Variants in SLC25A15 observed in about 807,000 individuals in gnomAD.
SLC25A15 encodes mitochondrial ornithine transporter 1.
A neutral mutation model predicts 32.3 loss-of-function variants in SLC25A15; 24 were observed. That is an observed-to-expected ratio of 0.74 (90% CI 0.54 to 1.04). SLC25A15 has a LOEUF of 1.04. Ranked by LOEUF, SLC25A15 falls within the 50% of genes least tolerant of loss-of-function variation. The probability of loss-of-function intolerance (pLI) is 0.00; values close to 1 mark genes in which losing one functional copy is unlikely to be tolerated. For synonymous variants in SLC25A15, 132 were observed against 142.1 expected, an observed-to-expected ratio of 0.93 and a Z score of 0.51; for missense variants, 317 against 374.5, an observed-to-expected ratio of 0.85 and a Z score of 1.27.
rs770009034 is a variant in SLC25A15 at position 40,793,251 on chromosome 13, G to A, written c.25G>A (p.Ala9Thr). The change falls in exon 2 of 7, where the codon GCT (alanine) becomes ACT (threonine). Residue 9 changes from alanine to threonine, a missense_variant. Coordinates refer to ENST00000338625, the MANE Select transcript of SLC25A15 (RefSeq NM_014252.4). ...CATGAAATCCAATCCTGCTATCCAGGCTGCCATTGACCTCACAGCGGGGGC... is the reference window on the plus strand; with the variant it reads ...CATGAAATCCAATCCTGCTATCCAGACTGCCATTGACCTCACAGCGGGGGC... MKSNPAIQ[A>T]AIDLTAGAAG... 3 of 1,613,956 alleles carry A rather than the reference G, an allele frequency of 1.9e-6. No individual in the cohort carries two copies. Among genetic ancestry groups the A allele is most frequent in the Non-Finnish European group, 2.5e-6 (3 of 1,179,990 alleles).
chr13:40,798,782 C>T (rs1881760035), intron 2 of SLC25A15: 1 of 985,290 alleles, frequency 1.0e-6, no homozygotes, highest in African/African-American at 1.7e-5. Context: ...ATTGCCCAGG[C>T]TCCTACATAT....
chr13:40,809,126 A>G (rs1410699144), intron 6 of SLC25A15, among the ~76,000 whole-genome samples: 4 of 152,070 alleles, frequency 2.6e-5, no homozygotes, highest in African/African-American at 9.7e-5. Flanking sequence ...ATCTAATTCA[A>G]TCTTCATAAC....
Position 40,811,952 on chromosome 13 carries a change from G to T in SLC25A15, c.*2285G>T, listed in dbSNP as rs1234824618. ...CAAACATCAGGGGACATCTGGGGAGGAGATCCCTGTCATGTCTCTTGTGCC... is the reference window on the plus strand; with the variant it reads ...CAAACATCAGGGGACATCTGGGGAGTAGATCCCTGTCATGTCTCTTGTGCC... On this transcript the variant is annotated 3_prime_UTR_variant, in exon 7 of 7. Transcript: ENST00000338625. 6.6e-6 allele frequency among the ~76,000 whole-genome samples: 1 copy of T among 152,198 alleles called. No homozygotes were observed. Among genetic ancestry groups the T allele is most frequent in the African/African-American group, 2.4e-5 (1 of 41,448 alleles).
chr13:40,807,767 C>T (rs944064475), intron 5 of SLC25A15, among the ~76,000 whole-genome samples: 1 of 152,150 alleles, frequency 6.6e-6, no homozygotes, highest in African/African-American at 2.4e-5. Context: ...AAATTACTTT[C>T]CCAATTGGGG....
rs1882400814 is a variant in SLC25A15, at chr13:40,810,463, A to C, written c.*796A>C. ...CTGGTGTGAGCCACCATGCCCAGCC[A>C]GTGGTTGAATTTTTTAAAAAGTGTT... On this transcript the variant is annotated 3_prime_UTR_variant, in exon 7 of 7. Coordinates refer to ENST00000338625, the MANE Select transcript of SLC25A15 (RefSeq NM_014252.4). Among the ~76,000 whole-genome samples the C allele has an allele frequency of 6.6e-6, 1 of 152,042 alleles. No individual in the cohort carries two copies. Among genetic ancestry groups the C allele is most frequent in the Admixed American group, 6.6e-5 (1 of 15,246 alleles).
intron 3 of SLC25A15, among the ~76,000 whole-genome samples, chr13:40,803,073 G>A (rs1593293084): frequency 6.6e-6 from 1 of 152,074 alleles, no homozygotes; most frequent in East Asian, 1.9e-4. Context: ...CCCAATGAAG[G>A]ATTGTCCTAC....
chr13:40,791,105 A>G (rs1338792246), intron 1 of SLC25A15, among the ~76,000 whole-genome samples: 3 of 151,732 alleles, frequency 2.0e-5, no homozygotes, highest in South Asian at 2.1e-4. Context: ...CCAAAAATAT[A>G]GGGTTGGGTG....
chr13:40,808,898 G>A (rs917137723), intron 6 of SLC25A15, among the ~76,000 whole-genome samples: 7 of 131,530 alleles, frequency 5.3e-5, no homozygotes, highest in African/African-American at 8.4e-5. Context: ...TTGCACCACT[G>A]CACTCCAGCC....
rs557871939 is a variant in SLC25A15, at chr13:40,811,349, C to T, written c.*1682C>T. Reference sequence around the variant, plus strand: ...ACTAAAAATACAAAAATTAGCTGGGCGTGGTGGCACGTGCCTGTAATCCCA... The same window carrying T: ...ACTAAAAATACAAAAATTAGCTGGGTGTGGTGGCACGTGCCTGTAATCCCA... On this transcript the variant is annotated 3_prime_UTR_variant, in exon 7 of 7. Coordinates refer to ENST00000338625, the MANE Select transcript of SLC25A15 (RefSeq NM_014252.4). 2.0e-5 allele frequency among the ~76,000 whole-genome samples: 3 copies of T among 152,080 alleles called. No homozygotes were observed. The highest frequency in any genetic ancestry group is 4.2e-4 in the South Asian group (2 of 4,816).
At chr13:40,791,366 T>TA (rs112134733) in intron 1 of SLC25A15, among the ~76,000 whole-genome samples, 13,105 of 147,840 alleles carry the variant, frequency 0.089, 1,479 homozygotes, top group African/African-American at 0.26. Flanking sequence ...TTATTATTAT[T>TA]TTTTTTTTTG....
chr13:40,807,601 C>A (rs1387654923), intron 5 of SLC25A15, 138 bp downstream of exon 5: 2 of 956,338 alleles, frequency 2.1e-6, no homozygotes, highest in Non-Finnish European at 3.3e-6. Flanking sequence ...CTTCTGGATG[C>A]CTGAAGGTAA....
In SLC25A15 at chr13:40,811,934, C is replaced by A. The variant is rs1014911188; in HGVS notation, c.*2267C>A. Among the ~76,000 whole-genome samples the A allele has an allele frequency of 6.6e-6, 1 of 152,210 alleles. No individual in the cohort carries two copies. The highest frequency in any genetic ancestry group is 1.5e-5 in the Non-Finnish European group (1 of 68,042). Reference sequence around the variant, plus strand: ...AGGGATATGAGAGGCTGACAAACATCAGGGGACATCTGGGGAGGAGATCCC... The same window carrying A: ...AGGGATATGAGAGGCTGACAAACATAAGGGGACATCTGGGGAGGAGATCCC... On this transcript the variant is annotated 3_prime_UTR_variant, in exon 7 of 7. Coordinates refer to ENST00000338625, the MANE Select transcript of SLC25A15 (RefSeq NM_014252.4).
At position 40,793,292 on chromosome 13, in the gene SLC25A15, G is replaced by C. The variant is rs774823424; in HGVS notation, c.55+11G>C. 15 of 1,611,530 alleles carry C rather than the reference G, an allele frequency of 9.3e-6. No homozygotes were observed. The highest frequency in any genetic ancestry group is 1.3e-5 in the African/African-American group (1 of 74,902). ...CAGCGGGGGCTGCAGGTACAGTCAT[G>C]TGCCTCATCACCATGTTTCTGTCGT... On this transcript the variant is annotated intron_variant, in intron 2 of 6. Transcript: ENST00000338625.
chr13:40,795,254 G>T (rs1881633463), intron 2 of SLC25A15, among the ~76,000 whole-genome samples: 1 of 152,220 alleles, frequency 6.6e-6, no homozygotes, highest in Admixed American at 6.5e-5. Context: ...TTCTGCAGAA[G>T]GAGGGTGTTT....
At chr13:40,803,127 G>A (rs1333692904) in intron 3 of SLC25A15, among the ~76,000 whole-genome samples, 1 of 152,072 alleles carries the variant, frequency 6.6e-6, no homozygotes, top group Non-Finnish European at 1.5e-5. Flanking sequence ...ACTCTTCTAG[G>A]GCTGGAAGGG....
intron 2 of SLC25A15, among the ~76,000 whole-genome samples, chr13:40,793,483 A>G (rs1881578899): frequency 6.6e-6 from 1 of 152,218 alleles, no homozygotes; most frequent in Non-Finnish European, 1.5e-5. Flanking sequence ...CCTAGGAGCA[A>G]TAGGCCATAC....
chr13:40,794,295 G>A (rs573511946), intron 2 of SLC25A15, among the ~76,000 whole-genome samples: 35 of 151,396 alleles, frequency 2.3e-4, no homozygotes, highest in Non-Finnish European at 3.5e-4. Context: ...AGCCAAGATC[G>A]CGCCATTGCA....
chr13:40,801,260 C>A (rs1333294216), intron 3 of SLC25A15, among the ~76,000 whole-genome samples: 5 of 150,136 alleles, frequency 3.3e-5, no homozygotes, highest in Non-Finnish European at 1.5e-5. Flanking sequence ...AGAAAAGAAA[C>A]CATCCTGATT....
In SLC25A15 at chr13:40,803,221, G is replaced by A. The variant is rs552073413; in HGVS notation, c.315-1897G>A. Among the ~76,000 whole-genome samples, 97 of 146,436 alleles carry A rather than the reference G, an allele frequency of 6.6e-4. 1 individual carries two copies. The highest frequency in any genetic ancestry group is 1.1e-3 in the Non-Finnish European group (72 of 66,444). ...ACTTCTCAGACTTTTCCCCGTATTCGTTTTTTTTTTTTTGAAAGAGTCTCA... is the reference window on the plus strand; with the variant it reads ...ACTTCTCAGACTTTTCCCCGTATTCATTTTTTTTTTTTTGAAAGAGTCTCA... On this transcript the variant is annotated intron_variant, in intron 3 of 6. Coordinates refer to ENST00000338625, the MANE Select transcript of SLC25A15 (RefSeq NM_014252.4).
Sources: gnomAD v4.1 joint callset for allele counts (sites outside exome capture counted in the v4.1 genomes callset) on GRCh38, gnomAD v4.1.1 for gene constraint, MANE v1.5 for transcripts, NCBI Gene and HGNC (gene_info 2026-07-23, HGNC 2026-07-21) for gene names.